DAPK1: variants seen among roughly 807,000 people sequenced by gnomAD.
The protein encoded by DAPK1 is death associated protein kinase 1, also known as death-associated protein kinase 1.
Under a neutral mutation model 144.9 loss-of-function variants are expected in DAPK1, and 56 were observed. The observed-to-expected ratio is 0.39, with a 90% CI of 0.31 to 0.48. The LOEUF (loss-of-function observed/expected upper bound fraction) is 0.48, where lower values mean the gene tolerates loss of function less well. Among genes scored for constraint, DAPK1 ranks in the 20% least tolerant of loss-of-function variants. The pLI is 0.95. For missense variants in DAPK1, 1,454 were observed against 1,875.4 expected (o/e 0.78, Z 4.15); for synonymous variants, 690 against 749.0 (o/e 0.92, Z 1.29).
At chr9:87,557,977 A>T (rs187355374) in intron 2 of DAPK1, among the ~76,000 whole-genome samples, 1 of 152,350 alleles carries the variant, frequency 6.6e-6, no homozygotes, top group Admixed American at 6.5e-5. Flanking sequence ...CGAATCCTTT[A>T]GCCAGGCGTG....
intron 17 of DAPK1, among the ~76,000 whole-genome samples, chr9:87,653,955 A>G (rs1027628722): frequency 2.6e-5 from 4 of 152,006 alleles, no homozygotes; most frequent in Non-Finnish European, 5.9e-5. Flanking sequence ...CAGCCCCCCA[A>G]TGTGCTGGGT....
intron 2 of DAPK1, among the ~76,000 whole-genome samples, chr9:87,536,842 T>A (rs1377244720): frequency 6.6e-6 from 1 of 152,232 alleles, no homozygotes; most frequent in African/African-American, 2.4e-5. Flanking sequence ...TATTCAAAAT[T>A]CAACAATGGG....
intron 17 of DAPK1, chr9:87,657,796 C>A (rs1045885442): frequency 5.6e-6 from 3 of 531,572 alleles, no homozygotes; most frequent in Non-Finnish European, 1.0e-5. Flanking sequence ...AGGAAACTTA[C>A]TTAAGTTATC....
At position 87,499,009 on chromosome 9, in the gene DAPK1, G is replaced by C. The variant is rs1824295894; in HGVS notation, c.-69G>C. The C allele has an allele frequency of 7.7e-7, 1 of 1,303,286 alleles. No homozygotes were observed. The highest frequency in any genetic ancestry group is 1.4e-5 in the African/African-American group (1 of 69,094). 80.7% of individuals were successfully genotyped at this position (1,303,286 alleles called of 1,614,324 possible). ...GCATGAGGGGGCTACGGAGGCGCAG[G>C]AGCGGTGGTGATGGTCTGGGAAGCG... On this transcript the variant is annotated 5_prime_UTR_variant, in exon 2 of 26. Coordinates refer to ENST00000408954, the MANE Select transcript of DAPK1 (RefSeq NM_004938.4).
chr9:87,525,161 G>A, intron 2 of DAPK1: 2 of 697,534 alleles, frequency 2.9e-6, no homozygotes, highest in Non-Finnish European at 2.6e-6. Flanking sequence ...CAGTTGGGTG[G>A]AAGACTGTGT....
chr9:87,566,013 C>T (rs1023224455), intron 2 of DAPK1, among the ~76,000 whole-genome samples: 1 of 140,372 alleles, frequency 7.1e-6, no homozygotes, highest in African/African-American at 2.7e-5. Flanking sequence ...CTCTCTGTCT[C>T]AGCATTCTTT....
intron 2 of DAPK1, among the ~76,000 whole-genome samples, chr9:87,604,718 C>T (rs1348777890): frequency 6.6e-6 from 1 of 152,162 alleles, no homozygotes; most frequent in South Asian, 2.1e-4. Context: ...GAGACATGAT[C>T]ACTCTTTCAA....
At chr9:87,508,886 T>A (rs960321824) in intron 2 of DAPK1, among the ~76,000 whole-genome samples, 10 of 152,156 alleles carry the variant, frequency 6.6e-5, no homozygotes, top group African/African-American at 2.4e-4. Flanking sequence ...AGAAAAAAAG[T>A]GGCGGAAGGA....
chr9:87,640,520 T>C, intron 8 of DAPK1, 70 bp downstream of exon 8: 1 of 1,498,872 alleles, frequency 6.7e-7, no homozygotes, highest in Non-Finnish European at 9.1e-7. Context: ...GTCTGTTCCA[T>C]GCACAGGGCC....
chr9:87,540,284 C>G (rs1004354792), intron 2 of DAPK1, among the ~76,000 whole-genome samples: 1 of 150,208 alleles, frequency 6.7e-6, no homozygotes, highest in Non-Finnish European at 1.5e-5. Flanking sequence ...CTGCCTCCCG[C>G]GCCCAAGTGA....
At chr9:87,566,398 T>C (rs1231945055) in intron 2 of DAPK1, among the ~76,000 whole-genome samples, 1 of 152,102 alleles carries the variant, frequency 6.6e-6, no homozygotes, top group Non-Finnish European at 1.5e-5. Flanking sequence ...TATTAAGCCA[T>C]TCTTGTTCTT....
chr9:87,650,674 G>A (rs1454566689), intron 16 of DAPK1, among the ~76,000 whole-genome samples: 4 of 152,182 alleles, frequency 2.6e-5, no homozygotes, highest in Non-Finnish European at 5.9e-5. Context: ...TTTAATATCT[G>A]CCCTTTGTGA....
intron 2 of DAPK1, among the ~76,000 whole-genome samples, chr9:87,558,688 G>A (rs1336673724): frequency 6.6e-6 from 1 of 152,194 alleles, no homozygotes; most frequent in Non-Finnish European, 1.5e-5. Context: ...TGTTGACTTG[G>A]TAGTTCCTGT....
At chr9:87,504,335 G>A (rs1241630889) in intron 2 of DAPK1, among the ~76,000 whole-genome samples, 1 of 152,208 alleles carries the variant, frequency 6.6e-6, no homozygotes, top group Non-Finnish European at 1.5e-5. Flanking sequence ...TTTCCAGGAT[G>A]TGAAGGGAAA....
chr9:87,592,232 T>C (rs1828163005), intron 2 of DAPK1, among the ~76,000 whole-genome samples: 1 of 152,172 alleles, frequency 6.6e-6, no homozygotes, highest in East Asian at 1.9e-4. Flanking sequence ...CTGCAGATGA[T>C]GAGGAGGAAA....
chr9:87,643,322 C>A, intron 10 of DAPK1, 54 bp from the exon 11 acceptor site: 2 of 1,109,640 alleles, frequency 1.8e-6, no homozygotes, highest in Non-Finnish European at 2.6e-6. Context: ...CTCCTCTCAC[C>A]CTGCCTTTTT....
chr9:87,587,268 T>C (rs570740064), intron 2 of DAPK1, among the ~76,000 whole-genome samples: 4 of 152,196 alleles, frequency 2.6e-5, no homozygotes, highest in Non-Finnish European at 5.9e-5. Context: ...GAAGAAAAAA[T>C]AGATCATTCT....
intron 18 of DAPK1, among the ~76,000 whole-genome samples, chr9:87,662,261 T>A (rs1830875044): frequency 6.6e-6 from 1 of 152,216 alleles, no homozygotes; most frequent in African/African-American, 2.4e-5. Flanking sequence ...ATATGATGTC[T>A]CCAGCTTTGC....
At chr9:87,583,462 A>G (rs1211122257) in intron 2 of DAPK1, among the ~76,000 whole-genome samples, 4 of 152,232 alleles carry the variant, frequency 2.6e-5, no homozygotes, top group African/African-American at 9.6e-5. Context: ...AATTCTTACA[A>G]CTTTGACAAG....
Sources: allele counts gnomAD v4.1 joint callset (sites outside exome capture counted in the v4.1 genomes callset), GRCh38; gene constraint gnomAD v4.1.1; transcripts MANE v1.5; gene names NCBI Gene and HGNC (gene_info 2026-07-23, HGNC 2026-07-21).